Variants in NEO1 observed in about 807,000 individuals in gnomAD.
NEO1 encodes neogenin 1, also known as neogenin.
Under a neutral mutation model 159.7 loss-of-function variants are expected in NEO1, and 63 were observed. That is an observed-to-expected ratio of 0.39 (90% CI 0.32 to 0.49). The LOEUF (loss-of-function observed/expected upper bound fraction) is 0.49. Ranked by LOEUF, NEO1 falls within the 20% of genes least tolerant of loss-of-function variation. NEO1 has a pLI of 0.85. For synonymous variants in NEO1, 633 were observed against 662.0 expected (o/e 0.96, Z 0.67); for missense variants, 1,615 against 1,831.0 (o/e 0.88, Z 2.15).
intron 1 of NEO1, among the ~76,000 whole-genome samples, chr15:73,074,986 G>T (rs1333377455): frequency 2.6e-5 from 4 of 152,110 alleles, no homozygotes; most frequent in Admixed American, 2.0e-4. Context: ...TGTGTCTCCA[G>T]AAATATTTTG....
chr15:73,156,048 T>C (rs1268945237), intron 5 of NEO1, among the ~76,000 whole-genome samples: 1 of 152,254 alleles, frequency 6.6e-6, no homozygotes, highest in Non-Finnish European at 1.5e-5. Context: ...TATCTTTACA[T>C]TGGTTTCTGT....
intron 4 of NEO1, among the ~76,000 whole-genome samples, chr15:73,135,408 C>G (rs1368454351): frequency 1.3e-5 from 2 of 152,192 alleles, no homozygotes; most frequent in Admixed American, 1.3e-4. Context: ...GGGAAACTTT[C>G]AGTAGGCACT....
chr15:73,103,947 T>G (rs1335392755), intron 1 of NEO1, among the ~76,000 whole-genome samples: 26 of 152,178 alleles, frequency 1.7e-4, no homozygotes, highest in Non-Finnish European at 1.0e-4. Context: ...CTTTATCTCC[T>G]GGGCTCAAGC....
At position 73,122,702 on chromosome 15, in the gene NEO1, G is replaced by T. The variant is rs1161724139; in HGVS notation, c.626G>T (p.Ser209Ile). 1.9e-6 allele frequency: 3 copies of T among 1,614,054 alleles called. No homozygotes were observed. In the Admixed American group the frequency reaches 5.0e-5, roughly 27 times the overall value. ...IKLPSGMLVI[S>I]NATEGDGGLY... ...CTTCCAAGTGGAATGCTGGTTATCA[G>T]CAATGCAACTGAAGGAGATGGCGGG... Residue 209 changes from serine to isoleucine, a missense_variant, in exon 3 of 29, where the codon AGC becomes ATC. Around this residue, in one of 3 missense-constraint regions of NEO1, gnomAD observed 1,018 missense variants for 1,115.4 expected, o/e 0.91. Transcript: ENST00000261908.
chr15:73,195,656 G>T (rs751276545), intron 7 of NEO1, among the ~76,000 whole-genome samples: 3 of 152,012 alleles, frequency 2.0e-5, no homozygotes, highest in Non-Finnish European at 2.9e-5. Flanking sequence ...CAGAATTATT[G>T]CCTGAGTTTC....
intron 13 of NEO1, chr15:73,255,961 G>A (rs1393380388): frequency 6.6e-6 from 1 of 152,106 alleles, no homozygotes; most frequent in East Asian, 1.9e-4. Flanking sequence ...GCTCTGACTC[G>A]GGTAATTTTT....
In NEO1 at chr15:73,264,162, G is replaced by C. The variant is rs560624170; in HGVS notation, c.2399-2154G>C. Among the ~76,000 whole-genome samples, 10 of 152,174 alleles carry C rather than the reference G, an allele frequency of 6.6e-5. No homozygotes were observed. The East Asian group carries it at 1.7e-3, about 26-fold the overall frequency. On this transcript the variant is annotated intron_variant, in intron 15 of 28. Coordinates refer to ENST00000261908, the MANE Select transcript of NEO1 (RefSeq NM_002499.4). ...TGATTATACCACTGTACTCCAGCTG[G>C]GTGACAGAGCAAGACTTTGTCTGAA... is the stretch of plus-strand genomic sequence containing the variant.
intron 4 of NEO1, among the ~76,000 whole-genome samples, chr15:73,128,413 T>C (rs1055900771): frequency 1.3e-5 from 2 of 152,340 alleles, no homozygotes; most frequent in East Asian, 3.9e-4. Flanking sequence ...AGGGACATTC[T>C]GAAGATATAA....
At chr15:73,168,535 C>T (rs991029217) in intron 5 of NEO1, among the ~76,000 whole-genome samples, 1 of 151,834 alleles carries the variant, frequency 6.6e-6, no homozygotes, top group Non-Finnish European at 1.5e-5. Context: ...GGATGAGTAC[C>T]TGTTAGCTAA....
chr15:73,058,126 G>A (rs1314541929), intron 1 of NEO1, among the ~76,000 whole-genome samples: 1 of 152,124 alleles, frequency 6.6e-6, no homozygotes, highest in African/African-American at 2.4e-5. Flanking sequence ...AGTACATACA[G>A]ATTTTCCTAT....
At chr15:73,199,741 A>G (rs569520637) in intron 7 of NEO1, among the ~76,000 whole-genome samples, 1 of 152,318 alleles carries the variant, frequency 6.6e-6, no homozygotes, top group East Asian at 1.9e-4. Flanking sequence ...GTCTAAGATC[A>G]AGGTGCCAAC....
At chr15:73,216,070 T>A (rs1225339184) in intron 7 of NEO1, among the ~76,000 whole-genome samples, 1 of 151,684 alleles carries the variant, frequency 6.6e-6, no homozygotes, top group East Asian at 1.9e-4. Flanking sequence ...CTCCCAGTGC[T>A]ATCCCTCCCC....
intron 1 of NEO1, among the ~76,000 whole-genome samples, chr15:73,114,794 G>A (rs2071209061): frequency 6.6e-6 from 1 of 151,974 alleles, no homozygotes; most frequent in Admixed American, 6.6e-5. Flanking sequence ...GTTAAGTTTG[G>A]GGGGTATAAT....
At chr15:73,120,815 C>A (rs1282149598) in intron 2 of NEO1, among the ~76,000 whole-genome samples, 1 of 151,822 alleles carries the variant, frequency 6.6e-6, no homozygotes, top group East Asian at 1.9e-4. Flanking sequence ...CCTGTGGCGT[C>A]TATATTTATG....
chr15:73,116,933 T>C (rs773272723), intron 2 of NEO1, 76 bp downstream of exon 2: 10 of 1,218,678 alleles, frequency 8.2e-6, no homozygotes, highest in Non-Finnish European at 1.1e-5. Flanking sequence ...ACTGTTCTCT[T>C]GGAGTTTTCT....
At chr15:73,092,825 CATCTT>C (rs1408318999) in intron 1 of NEO1, among the ~76,000 whole-genome samples, 1 of 152,136 alleles carries the variant, frequency 6.6e-6, no homozygotes, top group Admixed American at 6.5e-5. Context: ...CCATTGTTAA[CATCTT>C]ATATTAAAAT....
intron 7 of NEO1, among the ~76,000 whole-genome samples, chr15:73,193,809 G>A (rs1261545900): frequency 2.0e-5 from 3 of 151,656 alleles, no homozygotes; most frequent in African/African-American, 7.3e-5. Flanking sequence ...ATGCCAAAGC[G>A]CTACTCTAAT....
chr15:73,129,654 T>G (rs1007919724), intron 4 of NEO1, among the ~76,000 whole-genome samples: 1 of 152,168 alleles, frequency 6.6e-6, no homozygotes, highest in African/African-American at 2.4e-5. Context: ...ATGCTAGTGT[T>G]CAAGGTGATT....
At chr15:73,089,124 T>C (rs2151431867) in intron 1 of NEO1, among the ~76,000 whole-genome samples, 1 of 152,268 alleles carries the variant, frequency 6.6e-6, no homozygotes, top group East Asian at 1.9e-4. Context: ...AAACCACTTA[T>C]CTTTCTGTCT....
Sources: allele counts gnomAD v4.1 joint callset (sites outside exome capture counted in the v4.1 genomes callset), GRCh38; gene constraint gnomAD v4.1.1; regional missense constraint gnomAD v4.1.1; transcripts MANE v1.5; gene names NCBI Gene and HGNC (gene_info 2026-07-23, HGNC 2026-07-21).